Variants in SGCZ observed in about 807,000 individuals in gnomAD.
The protein encoded by SGCZ is sarcoglycan zeta, also known as zeta-sarcoglycan.
In SGCZ, 40 loss-of-function variants were observed where a neutral mutation model predicts 41.3. That is an observed-to-expected ratio of 0.97 (90% CI 0.75 to 1.26). SGCZ has a LOEUF of 1.26. SGCZ is among the 50% of genes most tolerant of loss of function. SGCZ has a pLI of 0.00. For synonymous variants in SGCZ, 206 were observed against 137.5 expected (o/e 1.50, Z -3.49); for missense variants, 552 against 369.8 (o/e 1.49, Z -4.04).
rs554117821 is a variant in SGCZ at position 14,154,287 on chromosome 8, T to C, written c.547+10293A>G. On this transcript the variant is annotated intron_variant, in intron 5 of 7. Transcript: ENST00000382080. ...AGGAGGCTGAGGCAGGAGAATGGCA[T>C]GAACCCAGGAGGCAGAGGGTGCAGT... 7.9e-5 allele frequency among the ~76,000 whole-genome samples: 12 copies of C among 152,188 alleles called. No individual in the cohort carries two copies. In the East Asian group the frequency reaches 2.3e-3, roughly 30 times the overall value.
intron 3 of SGCZ, among the ~76,000 whole-genome samples, chr8:14,279,104 G>C (rs1585313020): frequency 6.6e-6 from 1 of 151,982 alleles, no homozygotes; most frequent in Non-Finnish European, 1.5e-5. Context: ...TACCATCTTA[G>C]GTTGAATTCC....
chr8:14,523,244 T>A (rs555276954), intron 2 of SGCZ, among the ~76,000 whole-genome samples: 1 of 152,022 alleles, frequency 6.6e-6, no homozygotes, highest in Non-Finnish European at 1.5e-5. Flanking sequence ...CTTACCAATA[T>A]TATTACTTAC....
chr8:15,156,914 C>T (rs1171119346), intron 1 of SGCZ, among the ~76,000 whole-genome samples: 2 of 148,334 alleles, frequency 1.3e-5, no homozygotes, highest in Non-Finnish European at 3.0e-5. Context: ...CATCGCACTC[C>T]GCCTGGGCAA....
At chr8:14,703,620 T>G (rs1809240487) in intron 1 of SGCZ, among the ~76,000 whole-genome samples, 1 of 152,052 alleles carries the variant, frequency 6.6e-6, no homozygotes, top group African/African-American at 2.4e-5. Flanking sequence ...AGCAAATTTA[T>G]GGTATAGCAT....
At chr8:14,307,576 T>C (rs1270027552) in intron 3 of SGCZ, among the ~76,000 whole-genome samples, 1 of 152,058 alleles carries the variant, frequency 6.6e-6, no homozygotes, top group Non-Finnish European at 1.5e-5. Context: ...GGCACTAAAA[T>C]TGCGGCATTA....
chr8:14,838,115 C>T (rs1174718856), intron 1 of SGCZ, among the ~76,000 whole-genome samples: 1 of 152,066 alleles, frequency 6.6e-6, no homozygotes, highest in African/African-American at 2.4e-5. Flanking sequence ...CATGTTCTCA[C>T]TCATATGCGG....
chr8:14,601,931 T>G (rs1585115693), intron 1 of SGCZ, among the ~76,000 whole-genome samples: 1 of 151,976 alleles, frequency 6.6e-6, no homozygotes, highest in African/African-American at 2.4e-5. Context: ...CCATCCGGGC[T>G]AACACGGTGA....
chr8:15,011,366 T>C (rs1802822224), intron 1 of SGCZ, among the ~76,000 whole-genome samples: 1 of 152,206 alleles, frequency 6.6e-6, no homozygotes, highest in African/African-American at 2.4e-5. Context: ...GAAAGCATCC[T>C]CACGGTTTTG....
chr8:14,640,532 G>C (rs1009812410), intron 1 of SGCZ, among the ~76,000 whole-genome samples: 15 of 151,618 alleles, frequency 9.9e-5, no homozygotes, highest in African/African-American at 3.6e-4. Context: ...GTATCTTCGT[G>C]AATATTCCTC....
intron 2 of SGCZ, among the ~76,000 whole-genome samples, chr8:14,464,706 T>A (rs1398346126): frequency 6.6e-6 from 1 of 151,574 alleles, no homozygotes; most frequent in Non-Finnish European, 1.5e-5. Context: ...TTGAAACATA[T>A]TTTGTCTTTT....
At chr8:14,752,594 C>T (rs1420208253) in intron 1 of SGCZ, among the ~76,000 whole-genome samples, 1 of 152,086 alleles carries the variant, frequency 6.6e-6, no homozygotes, top group Non-Finnish European at 1.5e-5. Flanking sequence ...TTGCTGGCAA[C>T]TAAAATACTC....
intron 1 of SGCZ, among the ~76,000 whole-genome samples, chr8:14,794,629 G>C (rs1345487005): frequency 2.0e-5 from 3 of 152,122 alleles, no homozygotes; most frequent in Admixed American, 2.0e-4. Flanking sequence ...AATAAAAATA[G>C]CATCATCAGA....
Position 14,784,913 on chromosome 8 carries a change from A to AAAAAAAT in SGCZ, c.40-229988_40-229987insATTTTTT, listed in dbSNP as rs1408574493. Among the ~76,000 whole-genome samples, 338 of 87,948 alleles carry AAAAAAAT rather than the reference A, an allele frequency of 3.8e-3. 11 individuals carry two copies. Among genetic ancestry groups the AAAAAAAT allele is most frequent in the African/African-American group, 0.015 (310 of 21,280 alleles). 57.7% of individuals were successfully genotyped at this position (87,948 alleles called of 152,430 possible). ...GTGAAACTCTGCCTCAAAAAAAAAA[A>AAAAAAAT]ATATATATATATATATATATAAAAT... On this transcript the variant is annotated intron_variant, in intron 1 of 7. Coordinates refer to ENST00000382080, the MANE Select transcript of SGCZ (RefSeq NM_139167.4).
chr8:14,883,777 T>TG, intron 1 of SGCZ, among the ~76,000 whole-genome samples: 1 of 70,824 alleles, frequency 1.4e-5, no homozygotes, highest in Non-Finnish European at 2.9e-5. Flanking sequence ...CATCCTGTTG[T>TG]TTTTTTTTTT....
At chr8:15,190,637 A>G (rs1800504516) in intron 1 of SGCZ, among the ~76,000 whole-genome samples, 1 of 151,626 alleles carries the variant, frequency 6.6e-6, no homozygotes, top group Admixed American at 6.6e-5. Flanking sequence ...AGATAGTTTC[A>G]GAGCCTTCAA....
intron 2 of SGCZ, among the ~76,000 whole-genome samples, chr8:14,510,141 C>T (rs1435628887): frequency 6.6e-6 from 1 of 152,078 alleles, no homozygotes; most frequent in Non-Finnish European, 1.5e-5. Context: ...CTCTGCAACA[C>T]TCAGAAAAAT....
chr8:14,657,164 G>T (rs1807604070), intron 1 of SGCZ, among the ~76,000 whole-genome samples: 1 of 151,956 alleles, frequency 6.6e-6, no homozygotes, highest in Non-Finnish European at 1.5e-5. Context: ...TTTGTGTTCA[G>T]TCTTCCTCAG....
At chr8:14,167,017 A>C (rs1370636159) in intron 4 of SGCZ, among the ~76,000 whole-genome samples, 1 of 152,168 alleles carries the variant, frequency 6.6e-6, no homozygotes, top group Admixed American at 6.6e-5. Flanking sequence ...ACAGAAGGCA[A>C]AATTACAAGC....
chr8:14,188,476 T>C (rs1331002293), intron 4 of SGCZ, among the ~76,000 whole-genome samples: 2 of 152,194 alleles, frequency 1.3e-5, no homozygotes, highest in Non-Finnish European at 1.5e-5. Context: ...GTTATATTTA[T>C]ATTAAATGCT....
Sources: gnomAD v4.1 joint callset for allele counts (sites outside exome capture counted in the v4.1 genomes callset) on GRCh38, gnomAD v4.1.1 for gene constraint, MANE v1.5 for transcripts, NCBI Gene and HGNC (gene_info 2026-07-23, HGNC 2026-07-21) for gene names.